Variants in CCDC169 observed in about 807,000 individuals in gnomAD.
The protein encoded by CCDC169 is coiled-coil domain-containing protein 169.
CCDC169 carries 30 observed loss-of-function variants against 36.0 expected under a neutral mutation model. That is an observed-to-expected ratio of 0.83 (90% CI 0.62 to 1.13). The LOEUF is 1.13. Ranked by LOEUF, CCDC169 falls within the 50% of genes most tolerant of loss-of-function variation. The pLI is 0.00. For synonymous variants in CCDC169, 85 were observed against 81.5 expected (o/e 1.04, Z -0.23); for missense variants, 245 against 245.9 (o/e 1.00, Z 0.03).
At chr13:36,266,992 A>G (rs1446326433) in intron 4 of CCDC169, among the ~76,000 whole-genome samples, 1 of 152,220 alleles carries the variant, frequency 6.6e-6, no homozygotes, top group African/African-American at 2.4e-5. Context: ...GGATCATGTT[A>G]TCAGATATGC....
Position 36,283,483 on chromosome 13 carries a change from C to A in CCDC169, c.301G>T (p.Glu101Ter), listed in dbSNP as rs80273011. The A allele has an allele frequency of 1.9e-6, 3 of 1,549,036 alleles. No homozygotes were observed. The highest frequency in any genetic ancestry group is 2.6e-6 in the Non-Finnish European group (3 of 1,144,914). Residue 101 changes from glutamate (E) to a stop codon, truncating the protein, a stop_gained, in exon 4 of 8, where the codon GAA becomes TAA. Transcript: ENST00000239859. LOFTEE classifies it high-confidence loss of function. ...SDRLSSIRVY[E>*]RMPVESLNTL... ...TTTCTACTCACCACTGGCATTCGTT[C>A]ATAGACACGAATAGAAGATAGTCTA...
chr13:36,227,398 G>A, downstream of CCDC169: 3 of 1,525,150 alleles, frequency 2.0e-6, no homozygotes, highest in Non-Finnish European at 1.8e-6. Context: ...GAAGAGATGT[G>A]AATAGAACAT....
At chr13:36,294,748 T>G (rs1879274932) in intron 2 of CCDC169, among the ~76,000 whole-genome samples, 1 of 151,532 alleles carries the variant, frequency 6.6e-6, no homozygotes, top group South Asian at 2.1e-4. Context: ...CATGAGAGGG[T>G]TGAGATTGAT....
At chr13:36,241,035 C>T (rs1871759770) in intron 7 of CCDC169, among the ~76,000 whole-genome samples, 1 of 151,950 alleles carries the variant, frequency 6.6e-6, no homozygotes, top group South Asian at 2.1e-4. Flanking sequence ...ACTATAATAG[C>T]TAATATTAAA....
At chr13:36,229,614 T>C (rs1870204469), downstream of CCDC169, among the ~76,000 whole-genome samples, 2 of 148,530 alleles carry the variant, frequency 1.3e-5, 1 homozygote, top group South Asian at 4.2e-4. Flanking sequence ...CTCAGTTCAC[T>C]GCAACCTCTG....
At chr13:36,255,659 TAAA>T (rs3083965) in intron 4 of CCDC169, among the ~76,000 whole-genome samples, 4 of 124,586 alleles carry the variant, frequency 3.2e-5, no homozygotes, top group South Asian at 2.8e-4. Flanking sequence ...CAAGGCTCCA[TAAA>T]AAAAAAAAAA....
At chr13:36,245,085 C>T (rs1872341852) in intron 7 of CCDC169, among the ~76,000 whole-genome samples, 2 of 152,120 alleles carry the variant, frequency 1.3e-5, no homozygotes, top group Admixed American at 1.3e-4. Context: ...GTGGCTCTTA[C>T]CTTGACCTAT....
At chr13:36,271,424 A>T (rs1876041761) in intron 4 of CCDC169, among the ~76,000 whole-genome samples, 1 of 152,218 alleles carries the variant, frequency 6.6e-6, no homozygotes, top group Non-Finnish European at 1.5e-5. Context: ...CCAAAGAAAA[A>T]GAAGTCATTA....
chr13:36,265,435 T>G (rs1875149931), intron 4 of CCDC169, among the ~76,000 whole-genome samples: 1 of 152,214 alleles, frequency 6.6e-6, no homozygotes. Flanking sequence ...ACCTTATTAA[T>G]CTACTCTGGC....
At chr13:36,223,328 G>A (rs1446191566), downstream of CCDC169, 1 of 152,148 alleles carries the variant, frequency 6.6e-6, no homozygotes, top group African/African-American at 2.4e-5. Context: ...TATTCCTGAG[G>A]AATGGTCACC....
intron 4 of CCDC169, among the ~76,000 whole-genome samples, chr13:36,268,090 A>T (rs1040615691): frequency 6.6e-6 from 1 of 152,214 alleles, no homozygotes; most frequent in Admixed American, 6.5e-5. Flanking sequence ...TCAACAAACA[A>T]TGAACTTAAA....
chr13:36,230,511 A>G (rs1870302291), downstream of CCDC169, among the ~76,000 whole-genome samples: 1 of 152,208 alleles, frequency 6.6e-6, no homozygotes, highest in Admixed American at 6.5e-5. Context: ...TCACAAAATG[A>G]CTTAAATCAC....
downstream of CCDC169, chr13:36,224,564 C>T (rs1198203003): frequency 6.6e-6 from 1 of 151,958 alleles, no homozygotes; most frequent in East Asian, 1.9e-4. Context: ...TACACAAAAA[C>T]CCCTAGGAAT....
At chr13:36,252,633 C>T (rs1190465186) in intron 6 of CCDC169, among the ~76,000 whole-genome samples, 1 of 152,184 alleles carries the variant, frequency 6.6e-6, no homozygotes, top group East Asian at 1.9e-4. Flanking sequence ...AGCAATATCC[C>T]AGACTATTTC....
chr13:36,287,340 C>T (rs909488681), intron 2 of CCDC169, among the ~76,000 whole-genome samples: 2 of 152,020 alleles, frequency 1.3e-5, no homozygotes, highest in African/African-American at 4.8e-5. Context: ...CTCCTTTACC[C>T]AAAATTTTGG....
At chr13:36,242,901 G>A (rs1872009148) in intron 7 of CCDC169, among the ~76,000 whole-genome samples, 1 of 152,132 alleles carries the variant, frequency 6.6e-6, no homozygotes, top group Non-Finnish European at 1.5e-5. Flanking sequence ...ATAAGGGGGT[G>A]GGGAGGAATG....
intron 2 of CCDC169, among the ~76,000 whole-genome samples, chr13:36,292,658 C>T (rs534440499): frequency 1.3e-4 from 20 of 152,308 alleles, no homozygotes; most frequent in African/African-American, 4.6e-4. Context: ...GAAATAAAAA[C>T]TACTCTTTTG....
downstream of CCDC169, chr13:36,226,760 A>G (rs9546780): frequency 0.08 from 15,143 of 189,484 alleles, 856 homozygotes; most frequent in Middle Eastern, 0.13. Flanking sequence ...TCATGGACAT[A>G]AAGACAGCAA....
At chr13:36,291,280 T>C (rs1015340252) in intron 2 of CCDC169, among the ~76,000 whole-genome samples, 60 of 151,670 alleles carry the variant, frequency 4.0e-4, no homozygotes, top group African/African-American at 1.4e-3. Context: ...GTGTTAATGC[T>C]GCAAAGCTTT....
Sources: gnomAD v4.1 joint callset for allele counts (sites outside exome capture counted in the v4.1 genomes callset) on GRCh38, gnomAD v4.1.1 for gene constraint, MANE v1.5 for transcripts, NCBI Gene and HGNC (gene_info 2026-07-23, HGNC 2026-07-21) for gene names.